The following NAALADL2 variants were observed in gnomAD, a reference collection of about 807,000 sequenced individuals.
The protein encoded by NAALADL2 is N-acetylated alpha-linked acidic dipeptidase like 2.
A neutral mutation model predicts 87.2 loss-of-function variants in NAALADL2; 76 were observed. The ratio of observed to expected loss-of-function variants is 0.87; its 90% confidence interval spans 0.72 to 1.05. NAALADL2 has a LOEUF of 1.05. Among genes scored for constraint, NAALADL2 ranks in the 50% least tolerant of loss-of-function variants. The pLI is 0.00. For synonymous variants in NAALADL2, 354 were observed against 331.0 expected, an observed-to-expected ratio of 1.07 and a Z score of -0.75; for missense variants, 1,089 against 945.8, an observed-to-expected ratio of 1.15 and a Z score of -1.99.
intron 4 of NAALADL2, among the ~76,000 whole-genome samples, chr3:175,278,621 T>A (rs572623937): frequency 3.9e-5 from 6 of 152,194 alleles, no homozygotes; most frequent in Non-Finnish European, 7.3e-5. Context: ...TCTTTTCTGG[T>A]GAGAAAGTGA....
At chr3:175,519,116 A>G (rs1732283414) in intron 9 of NAALADL2, among the ~76,000 whole-genome samples, 1 of 152,224 alleles carries the variant, frequency 6.6e-6, no homozygotes, top group Non-Finnish European at 1.5e-5. Context: ...CCTTCTGGGT[A>G]TAGAGCAGGG....
At chr3:175,259,639 C>G (rs1750669459) in intron 4 of NAALADL2, among the ~76,000 whole-genome samples, 1 of 152,114 alleles carries the variant, frequency 6.6e-6, no homozygotes. Context: ...TGGATAATTT[C>G]TACTTTTCCG....
At chr3:175,486,633 C>T (rs1184581927) in intron 9 of NAALADL2, among the ~76,000 whole-genome samples, 1 of 152,144 alleles carries the variant, frequency 6.6e-6, no homozygotes, top group African/African-American at 2.4e-5. Flanking sequence ...GCCCCACTCG[C>T]TCTCTAGAAT....
At chr3:175,787,764 T>C (rs907380795) in intron 13 of NAALADL2, among the ~76,000 whole-genome samples, 1 of 152,078 alleles carries the variant, frequency 6.6e-6, no homozygotes, top group Non-Finnish European at 1.5e-5. Context: ...AGAACAAAGA[T>C]ATAAAAAAAA....
chr3:174,908,098 C>T (rs1357378727), intron 1 of NAALADL2, among the ~76,000 whole-genome samples: 1 of 136,172 alleles, frequency 7.3e-6, no homozygotes, highest in Non-Finnish European at 1.5e-5. Flanking sequence ...CAAGTGCTGA[C>T]TAGCTCTTGC....
At chr3:174,454,885 C>G (rs1267773878) in intron 1 of NAALADL2, among the ~76,000 whole-genome samples, 1 of 151,518 alleles carries the variant, frequency 6.6e-6, no homozygotes, top group Non-Finnish European at 1.5e-5. Flanking sequence ...TAACCAAAAT[C>G]AGAGCTGAAC....
At chr3:175,263,702 A>G (rs181182115) in intron 4 of NAALADL2, among the ~76,000 whole-genome samples, 1 of 151,926 alleles carries the variant, frequency 6.6e-6, no homozygotes, top group East Asian at 1.9e-4. Context: ...TAAATTAAAC[A>G]AAGTAAAATA....
chr3:175,195,298 C>T (rs541266010), intron 2 of NAALADL2, among the ~76,000 whole-genome samples: 80 of 151,866 alleles, frequency 5.3e-4, no homozygotes, highest in African/African-American at 1.8e-3. Flanking sequence ...GATTTTACAA[C>T]ACTTACACTC....
intron 4 of NAALADL2, among the ~76,000 whole-genome samples, chr3:175,316,515 G>A (rs535532495): frequency 6.6e-5 from 10 of 152,200 alleles, no homozygotes; most frequent in South Asian, 2.1e-4. Flanking sequence ...AAATCTTGGC[G>A]TAAGACTTGA....
intron 3 of NAALADL2, among the ~76,000 whole-genome samples, chr3:174,787,602 T>TATATATATATATACACAC (rs1716924877): frequency 1.4e-5 from 1 of 73,370 alleles, no homozygotes; most frequent in African/African-American, 4.3e-5. Context: ...TATATATATA[T>TATATATATATATACACAC]ATATATATAT....
At position 175,806,674 on chromosome 3, in the gene NAALADL2, AT is replaced by A. The variant is rs1197920211; in HGVS notation, c.*3476del. The A allele has an allele frequency of 7.0e-6, 1 of 143,240 alleles. No homozygotes were observed. Among genetic ancestry groups the A allele is most frequent in the African/African-American group, 2.6e-5 (1 of 38,562 alleles). The allele number at this position is 143,240 out of a possible 1,614,324, so 8.9% of individuals were successfully genotyped here. A position where few individuals can be genotyped will look rare whatever the true frequency, so the allele number is the denominator to read the frequency against. ...ACATCCCAGGCACTGGTGTTTTAGA[AT>A]TTTTCCCATGTATCCTTTTTTTTTT... On this transcript the variant is annotated 3_prime_UTR_variant, in exon 14 of 14. Transcript: ENST00000454872.
rs951441764 is a variant in NAALADL2 at position 175,134,376 on chromosome 3, T to C, written c.545+37085T>C. On this transcript the variant is annotated intron_variant, in intron 2 of 13. Coordinates refer to ENST00000454872, the MANE Select transcript of NAALADL2 (RefSeq NM_207015.3). ...TCTCCTGAAAGTGTGATGATACTAG[T>C]TGACATAATCCATACATTTACTTCA... Among the ~76,000 whole-genome samples the C allele has an allele frequency of 2.6e-4, 40 of 152,316 alleles. 1 individual carries two copies. The highest frequency in any genetic ancestry group is 9.6e-4 in the African/African-American group (40 of 41,558).
At chr3:174,851,134 A>G (rs1052570895) in intron 3 of NAALADL2, among the ~76,000 whole-genome samples, 10 of 152,184 alleles carry the variant, frequency 6.6e-5, no homozygotes, top group African/African-American at 2.4e-4. Context: ...GGAAGCTTAG[A>G]ACAATAAATG....
intron 2 of NAALADL2, among the ~76,000 whole-genome samples, chr3:175,213,215 T>C (rs182757266): frequency 1.6e-3 from 245 of 152,236 alleles, no homozygotes; most frequent in African/African-American, 5.6e-3. Context: ...TGCCAGACTG[T>C]CTCTGAATCA....
At chr3:175,069,725 T>A (rs1176399534) in intron 1 of NAALADL2, among the ~76,000 whole-genome samples, 1 of 151,956 alleles carries the variant, frequency 6.6e-6, no homozygotes, top group African/African-American at 2.4e-5. Context: ...ATGTTTATTG[T>A]GGCACTATTC....
intron 10 of NAALADL2, among the ~76,000 whole-genome samples, chr3:175,620,959 G>A (rs1726142451): frequency 6.6e-6 from 1 of 152,186 alleles, no homozygotes; most frequent in South Asian, 2.1e-4. Context: ...AAGTCTGTGA[G>A]GCTGTCTAGG....
At chr3:175,288,864 T>G (rs1336238001) in intron 4 of NAALADL2, among the ~76,000 whole-genome samples, 1 of 152,184 alleles carries the variant, frequency 6.6e-6, no homozygotes, top group African/African-American at 2.4e-5. Context: ...ATTTGAACTC[T>G]GGATGTCTTC....
intron 1 of NAALADL2, among the ~76,000 whole-genome samples, chr3:174,984,297 G>C (rs1452555427): frequency 6.6e-6 from 1 of 152,100 alleles, no homozygotes; most frequent in Non-Finnish European, 1.5e-5. Flanking sequence ...TTTTTGCTCA[G>C]GGATCAGATG....
In NAALADL2 at chr3:175,137,118, C is replaced by T. The variant is rs540761442; in HGVS notation, c.545+39827C>T. On this transcript the variant is annotated intron_variant, in intron 2 of 13. Coordinates refer to ENST00000454872, the MANE Select transcript of NAALADL2 (RefSeq NM_207015.3). The stretch of plus-strand genomic sequence containing the variant: ...AAATTTTGTAGTCTTAAGCTTGTCT[C>T]TTTCTTTTATACTAAAGAAAAATAT... Among the ~76,000 whole-genome samples the T allele has an allele frequency of 2.7e-3, 411 of 152,146 alleles. 3 individuals carry two copies. Among genetic ancestry groups the T allele is most frequent in the African/African-American group, 9.4e-3 (390 of 41,542 alleles).
Sources: allele counts gnomAD v4.1 joint callset (sites outside exome capture counted in the v4.1 genomes callset), GRCh38; gene constraint gnomAD v4.1.1; transcripts MANE v1.5; gene names NCBI Gene and HGNC (gene_info 2026-07-23, HGNC 2026-07-21).